The following EYS variants were observed in gnomAD, a reference collection of about 807,000 sequenced individuals.
The protein encoded by EYS is protein eyes shut homolog.
EYS carries 250 observed loss-of-function variants against 282.1 expected under a neutral mutation model. The ratio of observed to expected loss-of-function variants is 0.89; its 90% confidence interval spans 0.80 to 0.98. EYS has a LOEUF of 0.98. Ranked by LOEUF, EYS falls within the 50% of genes least tolerant of loss-of-function variation. The pLI is 0.00. For synonymous variants in EYS, 1,355 were observed against 1,282.9 expected, an observed-to-expected ratio of 1.06 and a Z score of -1.20; for missense variants, 4,016 against 3,709.0, an observed-to-expected ratio of 1.08 and a Z score of -2.15.
chr6:64,393,729 G>T (rs1773249489), intron 28 of EYS, among the ~76,000 whole-genome samples: 1 of 151,508 alleles, frequency 6.6e-6, no homozygotes, highest in South Asian at 2.1e-4. Flanking sequence ...CACAAGACAG[G>T]GATGCCCTCT....
At chr6:65,354,392 C>T (rs185335835) in intron 8 of EYS, among the ~76,000 whole-genome samples, 174 of 152,134 alleles carry the variant, frequency 1.1e-3, no homozygotes, top group Admixed American at 4.5e-3. Context: ...TCTGACAGTT[C>T]CATTAATGAA....
At chr6:64,865,259 G>A (rs7751211) in intron 19 of EYS, among the ~76,000 whole-genome samples, 126,381 of 152,058 alleles carry the variant, frequency 0.83, 52,536 homozygotes, top group East Asian at 0.85. Flanking sequence ...CACACATAAA[G>A]TCTAAGAAAT....
intron 22 of EYS, among the ~76,000 whole-genome samples, chr6:64,807,488 A>G (rs1203493849): frequency 1.3e-5 from 2 of 152,100 alleles, no homozygotes; most frequent in Non-Finnish European, 2.9e-5. Flanking sequence ...CAGGTATTAT[A>G]TTTTCTGAAC....
At position 63,721,252 on chromosome 6, in the gene EYS, A is replaced by G. The variant is rs373203896; in HGVS notation, c.8779T>C (p.Cys2927Arg). 54 of 1,551,818 alleles carry G rather than the reference A, an allele frequency of 3.5e-5. No homozygotes were observed. The highest frequency in any genetic ancestry group is 4.6e-5 in the Non-Finnish European group (53 of 1,146,986). The change falls in exon 43 of 43, where the codon TGT becomes CGT. Residue 2927 changes from cysteine to arginine, a missense_variant. By Grantham distance (180) the Cys-to-Arg change is radical. Transcript: ENST00000503581. ...LNNLCLHQSL[C>R]IPDQSFSYSC... is the part of the protein sequence containing the mutation. The stretch of plus-strand genomic sequence containing the variant: ...TAAGAAAATGATTGGTCAGGTATAC[A>G]TAAAGATTGGTGGAGGCAAAGATTA...
chr6:64,019,116 T>C (rs1020268273), intron 33 of EYS, among the ~76,000 whole-genome samples: 9 of 152,102 alleles, frequency 5.9e-5, no homozygotes, highest in African/African-American at 2.2e-4. Context: ...GAGTGAATGA[T>C]TGGAGACTCA....
chr6:65,561,992 A>G (rs1366200108), intron 2 of EYS, among the ~76,000 whole-genome samples: 1 of 151,324 alleles, frequency 6.6e-6, no homozygotes, highest in East Asian at 1.9e-4. Flanking sequence ...CAACTTTTTC[A>G]TTGTAAAATT....
At chr6:64,353,618 G>T (rs753175698) in intron 29 of EYS, among the ~76,000 whole-genome samples, 2 of 151,626 alleles carry the variant, frequency 1.3e-5, no homozygotes, top group Non-Finnish European at 3.0e-5. Flanking sequence ...GGTTACTGAA[G>T]TGTAACTATT....
intron 31 of EYS, among the ~76,000 whole-genome samples, chr6:64,151,311 GTATATTTATATATATATATATA>G (rs1398105016): frequency 1.6e-4 from 14 of 87,170 alleles, no homozygotes; most frequent in East Asian, 1.5e-3. Flanking sequence ...GTGTGTGTGT[GTATATTTATATATATATATATA>G]TATATATATA....
At chr6:65,372,906 C>T (rs530157851) in intron 8 of EYS, among the ~76,000 whole-genome samples, 2 of 151,966 alleles carry the variant, frequency 1.3e-5, no homozygotes, top group East Asian at 3.9e-4. Flanking sequence ...TATCAGCTTC[C>T]TAATCTTAAT....
chr6:64,179,806 G>A (rs1764738624), intron 31 of EYS, among the ~76,000 whole-genome samples: 1 of 152,040 alleles, frequency 6.6e-6, no homozygotes, highest in South Asian at 2.1e-4. Flanking sequence ...ATTAAGAACA[G>A]ATGAAAATAA....
chr6:65,442,912 A>T (rs1048822113), intron 5 of EYS, among the ~76,000 whole-genome samples: 24 of 117,744 alleles, frequency 2.0e-4, no homozygotes, highest in African/African-American at 5.9e-4. Context: ...ATATACATGC[A>T]CATACATATG....
chr6:64,303,890 A>T (rs114640978), intron 30 of EYS, among the ~76,000 whole-genome samples: 1 of 149,926 alleles, frequency 6.7e-6, no homozygotes, highest in Non-Finnish European at 1.5e-5. Context: ...GGCTGAAGTC[A>T]GCCTAATCCT....
intron 26 of EYS, among the ~76,000 whole-genome samples, chr6:64,478,504 CATA>C (rs1776342738): frequency 6.6e-6 from 1 of 151,258 alleles, no homozygotes; most frequent in Admixed American, 6.6e-5. Flanking sequence ...ATAATTTTTT[CATA>C]ATATTAAATG....
chr6:65,384,014 A>G (rs1478438284), intron 8 of EYS, among the ~76,000 whole-genome samples: 1 of 151,912 alleles, frequency 6.6e-6, no homozygotes, highest in Non-Finnish European at 1.5e-5. Context: ...TTCAAAAACT[A>G]TTCACTAAAA....
At chr6:64,235,264 A>C (rs1392710122) in intron 30 of EYS, among the ~76,000 whole-genome samples, 1 of 88,634 alleles carries the variant, frequency 1.1e-5, no homozygotes, top group African/African-American at 4.5e-5. Context: ...AACAGTCCCC[A>C]GAGTGTGATG....
At chr6:64,469,619 G>A (rs2150491188) in intron 26 of EYS, among the ~76,000 whole-genome samples, 1 of 152,218 alleles carries the variant, frequency 6.6e-6, no homozygotes, top group Admixed American at 6.5e-5. Flanking sequence ...CTTCTGGGAA[G>A]ACGCCCCTTG....
intron 2 of EYS, among the ~76,000 whole-genome samples, chr6:65,618,900 C>G (rs1349921996): frequency 3.3e-5 from 5 of 152,070 alleles, no homozygotes; most frequent in African/African-American, 1.2e-4. Context: ...CTGTTCTGTT[C>G]CATTGATCTA....
rs1562254227 is a variant in EYS at position 65,550,143 on chromosome 6, C to CTTTCTTTT, written c.-332-54151_-332-54150insAAAAGAAA. Among the ~76,000 whole-genome samples, 22 of 5,952 alleles carry CTTTCTTTT rather than the reference C, an allele frequency of 3.7e-3. 4 individuals are homozygous for CTTTCTTTT. The highest frequency in any genetic ancestry group is 0.01 in the South Asian group (1 of 98). 3.9% of individuals were successfully genotyped at this position (5,952 alleles called of 152,430 possible). A position where few individuals can be genotyped will look rare whatever the true frequency, so the allele number is the denominator to read the frequency against. ...AAGTTAGTATCTGACTCTACTATAT[C>CTTTCTTTT]TTTTTTTTTTTTTTTTTTTTTTTTT... On this transcript the variant is annotated intron_variant, in intron 2 of 42. Transcript: ENST00000503581.
At chr6:64,828,323 A>G (rs968580753) in intron 19 of EYS, among the ~76,000 whole-genome samples, 10 of 152,052 alleles carry the variant, frequency 6.6e-5, no homozygotes, top group Middle Eastern at 3.4e-3. Flanking sequence ...GGGAGAGATA[A>G]TATGATAGGA....
Sources: gnomAD v4.1 joint callset for allele counts (sites outside exome capture counted in the v4.1 genomes callset) on GRCh38, gnomAD v4.1.1 for gene constraint, MANE v1.5 for transcripts, NCBI Gene and HGNC (gene_info 2026-07-23, HGNC 2026-07-21) for gene names.